The following EYS variants were observed in gnomAD, a reference collection of about 807,000 sequenced individuals.
The protein encoded by EYS is EGF-like photoreceptor maintenance factor, also known as protein eyes shut homolog.
EYS carries 250 observed loss-of-function variants against 282.1 expected under a neutral mutation model. The observed-to-expected ratio is 0.89, with a 90% CI of 0.80 to 0.98. The LOEUF (loss-of-function observed/expected upper bound fraction) is 0.98, where lower values mean the gene tolerates loss of function less well. Ranked by LOEUF, EYS falls within the 50% of genes least tolerant of loss-of-function variation. EYS has a pLI of 0.00. For missense variants in EYS, 4,016 were observed against 3,709.0 expected, an observed-to-expected ratio of 1.08 and a Z score of -2.15; for synonymous variants, 1,355 against 1,282.9, an observed-to-expected ratio of 1.06 and a Z score of -1.20.
chr6:63,775,952 A>G (rs1562020499), intron 40 of EYS, among the ~76,000 whole-genome samples: 1 of 152,186 alleles, frequency 6.6e-6, no homozygotes, highest in Non-Finnish European at 1.5e-5. Context: ...GTATATCTTC[A>G]TAGTTAGTAA....
intron 12 of EYS, among the ~76,000 whole-genome samples, chr6:65,290,684 C>T (rs2150282778): frequency 6.6e-6 from 1 of 151,442 alleles, no homozygotes; most frequent in African/African-American, 2.4e-5. Flanking sequence ...ATAAACAAAA[C>T]TTCTAATAAA....
rs536143843 is a variant in EYS, at chr6:64,148,249, TA to T, written c.6425-66248del. ...GTATGTTTTGAAATTATAGATATGT[TA>T]CAGCAACTAAAATTTTGTATCCTAC... On this transcript the variant is annotated intron_variant, in intron 31 of 42. Transcript: ENST00000503581. 2.1e-3 allele frequency among the ~76,000 whole-genome samples: 318 copies of T among 152,302 alleles called. 1 individual carries two copies. Among genetic ancestry groups the T allele is most frequent in the Non-Finnish European group, 3.4e-3 (229 of 68,022 alleles).
chr6:64,909,550 T>C (rs934357864), intron 16 of EYS, among the ~76,000 whole-genome samples: 1 of 152,122 alleles, frequency 6.6e-6, no homozygotes, highest in African/African-American at 2.4e-5. Context: ...ATTGAATTAT[T>C]ACTGTCACAT....
intron 26 of EYS, among the ~76,000 whole-genome samples, chr6:64,545,098 G>T (rs933373199): frequency 2.0e-5 from 3 of 152,164 alleles, no homozygotes; most frequent in Non-Finnish European, 2.9e-5. Context: ...TATCCCTGAT[G>T]AACATCAATG....
chr6:65,040,864 T>C (rs1295895470), intron 13 of EYS, among the ~76,000 whole-genome samples: 1 of 151,718 alleles, frequency 6.6e-6, no homozygotes, highest in Non-Finnish European at 1.5e-5. Context: ...TTTTTAGATA[T>C]TATGTAACAC....
chr6:65,588,876 C>T (rs369512880), intron 2 of EYS, among the ~76,000 whole-genome samples: 6 of 145,014 alleles, frequency 4.1e-5, no homozygotes, highest in African/African-American at 1.6e-4. Context: ...AGGATATATA[C>T]ATCAGGCTTT....
Position 64,950,798 on chromosome 6 carries a change from CATAT to C in EYS, c.2260-4888_2260-4885del, listed in dbSNP as rs1171736217. ...AAAAATATATACACATATACATATA[CATAT>C]ATATATATATATATATATATATATA... On this transcript the variant is annotated intron_variant, in intron 14 of 42. Coordinates refer to ENST00000503581, the MANE Select transcript of EYS (RefSeq NM_001142800.2). Among the ~76,000 whole-genome samples the C allele has an allele frequency of 5.8e-3, 315 of 54,230 alleles. 5 individuals carry two copies. Among genetic ancestry groups the C allele is most frequent in the South Asian group, 0.036 (50 of 1,388 alleles). The allele number at this position is 54,230 out of a possible 152,430, so 35.6% of individuals were successfully genotyped here.
chr6:65,515,235 A>T (rs1348530449), intron 2 of EYS, among the ~76,000 whole-genome samples: 1 of 151,570 alleles, frequency 6.6e-6, no homozygotes, highest in African/African-American at 2.4e-5. Flanking sequence ...TCAAAACCAC[A>T]ATGAGATACC....
intron 2 of EYS, among the ~76,000 whole-genome samples, chr6:65,530,895 A>G (rs957726468): frequency 9.9e-5 from 15 of 152,140 alleles, no homozygotes; most frequent in African/African-American, 3.6e-4. Flanking sequence ...TCTTTAAATA[A>G]TTCCAATAAA....
At chr6:63,986,207 C>A (rs1582083242) in intron 34 of EYS, among the ~76,000 whole-genome samples, 2 of 151,778 alleles carry the variant, frequency 1.3e-5, no homozygotes, top group African/African-American at 4.8e-5. Context: ...AAATGCAAAT[C>A]AAAACCACAA....
chr6:64,707,126 CACACAT>C (rs1005198952), intron 22 of EYS, among the ~76,000 whole-genome samples: 27 of 103,518 alleles, frequency 2.6e-4, no homozygotes, highest in Admixed American at 4.1e-4. Flanking sequence ...CACACACACA[CACACAT>C]ATATATATGT....
At chr6:64,178,099 G>C (rs1191098838) in intron 31 of EYS, among the ~76,000 whole-genome samples, 1 of 152,052 alleles carries the variant, frequency 6.6e-6, no homozygotes, top group South Asian at 2.1e-4. Context: ...TGCTATGAAA[G>C]AAGCGATACA....
intron 30 of EYS, among the ~76,000 whole-genome samples, chr6:64,289,092 C>G (rs971631876): frequency 6.6e-6 from 1 of 152,052 alleles, no homozygotes; most frequent in Non-Finnish European, 1.5e-5. Flanking sequence ...CTCTTTAACC[C>G]ATCACGCCTT....
chr6:64,208,697 T>C (rs1341543497), intron 31 of EYS, among the ~76,000 whole-genome samples: 2 of 152,182 alleles, frequency 1.3e-5, no homozygotes, highest in African/African-American at 4.8e-5. Context: ...TTATGCTTAG[T>C]TTCTCTTAAT....
intron 12 of EYS, among the ~76,000 whole-genome samples, chr6:65,067,786 T>A (rs1375949636): frequency 6.6e-6 from 1 of 152,120 alleles, no homozygotes; most frequent in African/African-American, 2.4e-5. Flanking sequence ...AAACTCACCA[T>A]GTTTTTAAAA....
In EYS at chr6:64,425,286, T is replaced by C. The variant is rs1006474999; in HGVS notation, c.5927+10888A>G. On this transcript the variant is annotated intron_variant, in intron 28 of 42. Transcript: ENST00000503581. ...AGTGATTTGATGTAATATGTTTTTTTAAAAAACACCCTGGCCATAGTGGCT... is the reference window on the plus strand; with the variant it reads ...AGTGATTTGATGTAATATGTTTTTTCAAAAAACACCCTGGCCATAGTGGCT... Among the ~76,000 whole-genome samples, 3 of 152,016 alleles carry C rather than the reference T, an allele frequency of 2.0e-5. No homozygotes were observed. The South Asian group carries it at 6.2e-4, about 31-fold the overall frequency.
At chr6:65,493,035 C>A (rs191370411) in intron 4 of EYS, among the ~76,000 whole-genome samples, 1 of 152,292 alleles carries the variant, frequency 6.6e-6, no homozygotes, top group Admixed American at 6.5e-5. Flanking sequence ...TCCGCCTCAG[C>A]CTCCCGAGTA....
intron 28 of EYS, among the ~76,000 whole-genome samples, chr6:64,406,901 C>A (rs1387181584): frequency 6.6e-6 from 1 of 152,070 alleles, no homozygotes; most frequent in Admixed American, 6.6e-5. Context: ...TGTGGCGATT[C>A]CTTAAGGATC....
chr6:64,452,474 C>A (rs939194903), intron 26 of EYS, among the ~76,000 whole-genome samples: 6 of 152,128 alleles, frequency 3.9e-5, no homozygotes, highest in African/African-American at 1.4e-4. Flanking sequence ...TATCAAGCTA[C>A]CAATGGCTTT....
Sources: gnomAD v4.1 joint callset for allele counts (sites outside exome capture counted in the v4.1 genomes callset) on GRCh38, gnomAD v4.1.1 for gene constraint, MANE v1.5 for transcripts, NCBI Gene and HGNC (gene_info 2026-07-23, HGNC 2026-07-21) for gene names.